The following JAKMIP3 variants were observed in gnomAD, a reference collection of about 807,000 sequenced individuals.
JAKMIP3 encodes the protein Janus kinase and microtubule interacting protein 3.
JAKMIP3 carries 58 observed loss-of-function variants against 118.5 expected under a neutral mutation model. The ratio of observed to expected loss-of-function variants is 0.49; its 90% CI spans 0.40 to 0.61. The LOEUF is 0.61. Among genes scored for constraint, JAKMIP3 ranks in the 20% least tolerant of loss-of-function variants. The pLI, the probability that JAKMIP3 is intolerant of heterozygous loss-of-function variation, is 0.00. For missense variants in JAKMIP3, 950 were observed against 1,109.0 expected (o/e 0.86, Z 2.04); for synonymous variants, 486 against 451.2 (o/e 1.08, Z -0.98).
intron 7 of JAKMIP3, 48 bp downstream of exon 7, chr10:132,137,198 G>A (rs750373773): frequency 2.5e-6 from 4 of 1,613,906 alleles, no homozygotes; most frequent in Non-Finnish European, 3.4e-6. Flanking sequence ...GCTCCCAAGG[G>A]GCTTGGCTAA....
chr10:132,119,891 T>C (rs2048271675), intron 3 of JAKMIP3, among the ~76,000 whole-genome samples: 1 of 152,222 alleles, frequency 6.6e-6, no homozygotes, highest in Non-Finnish European at 1.5e-5. Flanking sequence ...CCAATTCAAA[T>C]GAGGATTTGG....
At chr10:132,137,374 A>C in intron 8 of JAKMIP3, 85 bp downstream of exon 8, 1 of 1,521,420 alleles carries the variant, frequency 6.6e-7, no homozygotes, top group Non-Finnish European at 9.1e-7. Flanking sequence ...AGGGCTCCTC[A>C]CAGACCAGAC....
chr10:132,101,908 G>T lies in JAKMIP3; in HGVS notation c.-137-2764G>T, dbSNP rs553712474. ...CCCCAGTGGGTTCTTCATCCCCCTG[G>T]AGAGTCCCCTTCATGGGTCCCCAGG... On this transcript the variant is annotated intron_variant, in intron 1 of 23. Coordinates refer to ENST00000684848, the MANE Select transcript of JAKMIP3 (RefSeq NM_001323087.2). Among the ~76,000 whole-genome samples, 3 of 152,212 alleles carry T rather than the reference G, an allele frequency of 2.0e-5. No individual in the cohort carries two copies. The South Asian group carries it at 6.2e-4, about 32-fold the overall frequency.
At chr10:132,080,503 ATTTTT>A (rs201838731) in intron 1 of JAKMIP3, among the ~76,000 whole-genome samples, 39 of 61,556 alleles carry the variant, frequency 6.3e-4, no homozygotes, top group African/African-American at 2.0e-3. Context: ...AAGTTATAGG[ATTTTT>A]TTTTTTTTTT....
At position 132,082,537 on chromosome 10, in the gene JAKMIP3, G is replaced by T. The variant is rs183119013; in HGVS notation, c.-138+16476G>T. Among the ~76,000 whole-genome samples the T allele has an allele frequency of 1.3e-3, 194 of 152,090 alleles. 1 individual carries two copies. Among genetic ancestry groups the T allele is most frequent in the African/African-American group, 4.6e-3 (191 of 41,502 alleles). On this transcript the variant is annotated intron_variant, in intron 1 of 23. Transcript: ENST00000684848. Reference sequence around the variant, plus strand: ...AATAATAATCTACAGTCTCCTCCAGGTTGCTGCGAATGCCATTAATTCATT... The same window carrying T: ...AATAATAATCTACAGTCTCCTCCAGTTTGCTGCGAATGCCATTAATTCATT...
In JAKMIP3 at chr10:132,150,054, C is replaced by T. The variant is rs1293949345; in HGVS notation, c.2007+13C>T. ...TAACGCCGTAAGTGTATGTCGCTCT[C>T]CTGGCTTGTGCATGCCTCTTACACC... On this transcript the variant is annotated intron_variant, in intron 16 of 23. Transcript: ENST00000684848. 3.1e-6 allele frequency: 5 copies of T among 1,592,288 alleles called. No homozygotes were observed. Among genetic ancestry groups the T allele is most frequent in the Middle Eastern group, 3.3e-4 (2 of 6,012 alleles).
rs188927771 is a variant in JAKMIP3, at chr10:132,145,462, G to A, written c.1687-56G>A. On this transcript the variant is annotated intron_variant, in intron 12 of 23. Coordinates refer to ENST00000684848, the MANE Select transcript of JAKMIP3 (RefSeq NM_001323087.2). The stretch of plus-strand genomic sequence containing the variant: ...TGTTCTGCCACATCACGATTTAAAC[G>A]TTGGTTTATGAGTTCCTCCCTCAGT... The A allele has an allele frequency of 1.2e-3, 1,753 of 1,458,428 alleles. 10 individuals are homozygous for A. The highest frequency in any genetic ancestry group is 9.5e-4 in the Non-Finnish European group (1,016 of 1,063,888). 90.3% of individuals were successfully genotyped at this position (1,458,428 alleles called of 1,614,324 possible).
At chr10:132,139,390 ATGAGTATG>A (rs1564948861) in intron 9 of JAKMIP3, among the ~76,000 whole-genome samples, 2 of 118,624 alleles carry the variant, frequency 1.7e-5, no homozygotes, top group African/African-American at 3.5e-5. Context: ...ATGTGAGTGT[ATGAGTATG>A]TGAGTGTGTA....
At chr10:132,161,498 G>T (rs1351263562) in intron 19 of JAKMIP3, among the ~76,000 whole-genome samples, 1 of 72,018 alleles carries the variant, frequency 1.4e-5, no homozygotes, top group Non-Finnish European at 2.6e-5. Flanking sequence ...TGCTGGGGGG[G>T]TCTCTTCCTG....
At chr10:132,180,639 G>A (rs1253699956) in intron 23 of JAKMIP3, among the ~76,000 whole-genome samples, 6 of 32,628 alleles carry the variant, frequency 1.8e-4, no homozygotes, top group Non-Finnish European at 2.3e-4. Context: ...GTGTGCGTGC[G>A]TGTGTGCGTG....
chr10:132,106,234 A>C (rs1183056110), intron 2 of JAKMIP3, among the ~76,000 whole-genome samples: 1 of 151,976 alleles, frequency 6.6e-6, no homozygotes, highest in Non-Finnish European at 1.5e-5. Context: ...GCTGCTCGGG[A>C]GGCTGAGGCA....
At chr10:132,092,803 G>C (rs578184058) in intron 1 of JAKMIP3, among the ~76,000 whole-genome samples, 4 of 152,314 alleles carry the variant, frequency 2.6e-5, no homozygotes, top group African/African-American at 9.6e-5. Flanking sequence ...TTGTTCCATT[G>C]CTGGCGAGGA....
intron 1 of JAKMIP3, among the ~76,000 whole-genome samples, chr10:132,056,850 C>A (rs1373865216): frequency 6.6e-6 from 1 of 152,160 alleles, no homozygotes; most frequent in African/African-American, 2.4e-5. Flanking sequence ...GGTGACTGAT[C>A]CATTTCCAGA....
chr10:132,182,652 G>A lies in JAKMIP3; in HGVS notation c.*1399G>A. 1 of 152,338 alleles carries A rather than the reference G, an allele frequency of 6.6e-6. No homozygotes were observed. The highest frequency in any genetic ancestry group is 1.9e-4 in the East Asian group (1 of 5,182). 9.4% of individuals were successfully genotyped at this position (152,338 alleles called of 1,614,324 possible). A position where few individuals can be genotyped will look rare whatever the true frequency, so the allele number is the denominator to read the frequency against. On this transcript the variant is annotated 3_prime_UTR_variant, in exon 24 of 24. Transcript: ENST00000684848. The stretch of plus-strand genomic sequence containing the variant: ...CCATTTCGAGGCACCTAGAAGTTGA[G>A]GCAGCCAGCTGTGCAGCCAGGTGTG...
At chr10:132,134,422 T>C (rs1311912072) in intron 4 of JAKMIP3, among the ~76,000 whole-genome samples, 2 of 152,238 alleles carry the variant, frequency 1.3e-5, no homozygotes, top group African/African-American at 2.4e-5. Context: ...CGTGGTAGAC[T>C]ACAGCATTCA....
intron 23 of JAKMIP3, among the ~76,000 whole-genome samples, chr10:132,176,754 G>A (rs2060175434): frequency 6.6e-6 from 1 of 151,994 alleles, no homozygotes; most frequent in Non-Finnish European, 1.5e-5. Context: ...ACCTCGTGCT[G>A]GGGCTTTACC....
At position 132,124,466 on chromosome 10, in the gene JAKMIP3, G is replaced by A. The variant is rs796543706; in HGVS notation, c.633+6892G>A. 7.5e-5 allele frequency among the ~76,000 whole-genome samples: 11 copies of A among 147,492 alleles called. 1 individual carries two copies. The highest frequency in any genetic ancestry group is 2.8e-4 in the African/African-American group (11 of 39,840). The stretch of plus-strand genomic sequence containing the variant: ...CATCACCGCCGAGCCGGTGGGCCGC[G>A]CCATACACGTCCATTGCCACACACA... On this transcript the variant is annotated intron_variant, in intron 3 of 23. Transcript: ENST00000684848.
At chr10:132,115,224 G>A (rs1223332582) in intron 2 of JAKMIP3, among the ~76,000 whole-genome samples, 5 of 85,578 alleles carry the variant, frequency 5.8e-5, no homozygotes, top group East Asian at 2.2e-4. Flanking sequence ...TCACCCTGCC[G>A]GGTCACCGCG....
chr10:132,141,848 C>T, intron 10 of JAKMIP3, 72 bp from the exon 11 acceptor site: 1 of 1,525,068 alleles, frequency 6.6e-7, no homozygotes, highest in Non-Finnish European at 8.8e-7. Context: ...AGCCCCGGGG[C>T]CCCGCCATCG....
Sources: gnomAD v4.1 joint callset for allele counts (sites outside exome capture counted in the v4.1 genomes callset) on GRCh38, gnomAD v4.1.1 for gene constraint, MANE v1.5 for transcripts, NCBI Gene and HGNC (gene_info 2026-07-23, HGNC 2026-07-21) for gene names.